MAP4: variants seen among roughly 807,000 people sequenced by gnomAD.
The protein encoded by MAP4 is microtubule associated protein 4.
MAP4 carries 76 observed loss-of-function variants against 170.2 expected under a neutral mutation model. That is an observed-to-expected ratio of 0.45 (90% CI 0.37 to 0.54). The LOEUF (loss-of-function observed/expected upper bound fraction) is 0.54, where lower values mean the gene tolerates loss of function less well. Ranked by LOEUF, MAP4 falls within the 20% of genes least tolerant of loss-of-function variation. MAP4 has a pLI of 0.00. For missense variants in MAP4, 2,506 were observed against 2,748.0 expected, an observed-to-expected ratio of 0.91 and a Z score of 1.97; for synonymous variants, 909 against 994.5, an observed-to-expected ratio of 0.91 and a Z score of 1.62.
intron 2 of MAP4, among the ~76,000 whole-genome samples, chr3:47,987,838 G>C (rs1244481387): frequency 1.3e-5 from 2 of 152,068 alleles, no homozygotes; most frequent in African/African-American, 2.4e-5. Flanking sequence ...AAAGTCTGAT[G>C]AGAGTGAATT....
intron 10 of MAP4, chr3:47,892,202 C>T (rs1433753041): frequency 9.8e-6 from 15 of 1,536,282 alleles, no homozygotes; most frequent in Admixed American, 2.0e-5. Flanking sequence ...GGCTTCTTGA[C>T]AGTCCTTGTC....
At chr3:47,993,330 G>C (rs1347348989) in intron 2 of MAP4, among the ~76,000 whole-genome samples, 3 of 151,900 alleles carry the variant, frequency 2.0e-5, no homozygotes, top group Admixed American at 6.6e-5. Flanking sequence ...GTAAGACTCT[G>C]TCTCAAAAAA....
At chr3:47,915,825 A>T in intron 7 of MAP4, 126 bp downstream of exon 7, 3 of 1,010,088 alleles carry the variant, frequency 3.0e-6, no homozygotes, top group South Asian at 1.7e-5. Flanking sequence ...GGAGAGCAGG[A>T]GTATGAATAA....
chr3:47,994,672 G>A (rs1240977563), intron 2 of MAP4, among the ~76,000 whole-genome samples: 1 of 152,214 alleles, frequency 6.6e-6, no homozygotes, highest in Non-Finnish European at 1.5e-5. Context: ...CTTTTGATAT[G>A]TAAATGGTGG....
chr3:47,861,764 C>A lies in MAP4; in HGVS notation c.6502-4252G>T, dbSNP rs574855137. ...ATCCTGGCTACTCAGGAGGCTGAGG[C>A]AGGAGAATTGATTGAGCCCAGAAGG... On this transcript the variant is annotated intron_variant, in intron 17 of 20. Transcript: ENST00000683076. Among the ~76,000 whole-genome samples the A allele has an allele frequency of 3.1e-4, 47 of 152,158 alleles. No individual in the cohort carries two copies. The East Asian group carries it at 6.2e-3, about 20-fold the overall frequency.
chr3:48,078,464 T>C (rs2100145002), intron 1 of MAP4, among the ~76,000 whole-genome samples: 1 of 152,004 alleles, frequency 6.6e-6, no homozygotes, highest in African/African-American at 2.4e-5. Context: ...CCCCAAATTG[T>C]ATGCTTTAAA....
At chr3:48,079,672 C>T (rs1480399938) in intron 1 of MAP4, among the ~76,000 whole-genome samples, 2 of 147,814 alleles carry the variant, frequency 1.4e-5, no homozygotes, top group Non-Finnish European at 3.0e-5. Flanking sequence ...AAAAAAAAGC[C>T]GGGTGCGGTG....
intron 1 of MAP4, among the ~76,000 whole-genome samples, chr3:48,064,586 G>A (rs2100137475): frequency 1.3e-5 from 2 of 152,078 alleles, no homozygotes; most frequent in Admixed American, 1.3e-4. Flanking sequence ...TGATAAATAG[G>A]TTCTGTTGAG....
At chr3:47,872,762 C>T (rs570498545) in intron 12 of MAP4, among the ~76,000 whole-genome samples, 21 of 152,260 alleles carry the variant, frequency 1.4e-4, no homozygotes, top group South Asian at 2.1e-4. Context: ...CACACACACA[C>T]GCATATATTT....
chr3:47,870,962 T>A lies in MAP4; in HGVS notation c.6145A>T (p.Ile2049Leu), dbSNP rs375818941. 6.2e-7 allele frequency: 1 copy of A among 1,614,074 alleles called. No homozygotes were observed. The highest frequency in any genetic ancestry group is 8.5e-7 in the Non-Finnish European group (1 of 1,179,958). Residue 2049 changes from isoleucine to leucine, a missense_variant, in exon 15 of 21, where the codon ATA (isoleucine) becomes TTA (leucine). Coordinates refer to ENST00000683076, the MANE Select transcript of MAP4 (RefSeq NM_001385682.1). ...MPSRPSTTPF[I>L]DKKPTSAKPS... ...TTGGCCGAGGTGGGCTTCTTGTCTA[T>A]GAAAGGAGTTGTGGAGGGCCGGGAG...
chr3:48,076,098 T>C (rs143830403), intron 1 of MAP4, among the ~76,000 whole-genome samples: 1 of 151,620 alleles, frequency 6.6e-6, no homozygotes, highest in East Asian at 1.9e-4. Context: ...ACTATAAAAT[T>C]ATTTAAAGAA....
Position 47,872,221 on chromosome 3 carries a change from TTGCCCAGGC to T in MAP4, c.5758-130_5758-122del, listed in dbSNP as rs2093580779. On this transcript the variant is annotated intron_variant, in intron 12 of 20. Transcript: ENST00000683076. ...TTTTTGGAGACGAAGTCTCACTCTG[TTGCCCAGGC>T]TGGAGTGCAGTGGCATGATCTCGGC... 3.3e-6 allele frequency: 3 copies of T among 914,872 alleles called. No homozygotes were observed. In the African/African-American group the frequency reaches 5.0e-5, roughly 15 times the overall value. The allele number at this position is 914,872 out of a possible 1,614,324, so 56.7% of individuals were successfully genotyped here.
intron 1 of MAP4, among the ~76,000 whole-genome samples, chr3:48,087,508 T>C (rs2100149710): frequency 6.6e-6 from 1 of 152,044 alleles, no homozygotes; most frequent in African/African-American, 2.4e-5. Flanking sequence ...CATTTCTCTG[T>C]CTACCCAGCC....
In MAP4 at chr3:48,083,078, G is replaced by A. The variant is rs1008207247; in HGVS notation, c.-20+5695C>T. ...AACTAAAGAATTGTGACATCTAAAT[G>A]CAATGTGGTATCCTGGATTGGATCC... On this transcript the variant is annotated intron_variant, in intron 1 of 18. Transcript: ENST00000360240. 3.9e-5 allele frequency among the ~76,000 whole-genome samples: 6 copies of A among 152,266 alleles called. No individual in the cohort carries two copies. In the East Asian group the frequency reaches 1.2e-3, roughly 29 times the overall value.
In MAP4 at chr3:47,855,099, C is replaced by A. The variant is rs892817862; in HGVS notation, c.6696+149G>T. 3.2e-6 allele frequency: 2 copies of A among 623,698 alleles called. No individual in the cohort carries two copies. Among genetic ancestry groups the A allele is most frequent in the African/African-American group, 3.6e-5 (2 of 55,176 alleles). The allele number at this position is 623,698 out of a possible 1,614,324, so 38.6% of individuals were successfully genotyped here. On this transcript the variant is annotated intron_variant, in intron 19 of 20. Coordinates refer to ENST00000683076, the MANE Select transcript of MAP4 (RefSeq NM_001385682.1). The surrounding 1 kb of genome is among the most constrained non-coding windows in gnomAD (Gnocchi z 5.1). ...TGCCTCAGTCAGGACTGATGATACA[C>A]GGTGGGAAAACGGCAATGGTGTGGG...
chr3:48,004,854 A>T (rs556960089), intron 1 of MAP4, among the ~76,000 whole-genome samples: 1 of 151,668 alleles, frequency 6.6e-6, no homozygotes, highest in Non-Finnish European at 1.5e-5. Context: ...CCCCGCCATC[A>T]ACCTTTCCAT....
At chr3:47,882,316 T>C (rs1364938425) in intron 10 of MAP4, among the ~76,000 whole-genome samples, 2 of 152,106 alleles carry the variant, frequency 1.3e-5, no homozygotes, top group Non-Finnish European at 2.9e-5. Context: ...AGTAAAATAA[T>C]TACTGCTATG....
intron 2 of MAP4, among the ~76,000 whole-genome samples, chr3:47,983,857 T>C (rs545471333): frequency 6.6e-6 from 1 of 152,184 alleles, no homozygotes; most frequent in Non-Finnish European, 1.5e-5. Flanking sequence ...CTTTATTTAT[T>C]TTGTTGCTCA....
chr3:47,930,905 G>C (rs2100049419), intron 3 of MAP4, among the ~76,000 whole-genome samples: 1 of 150,976 alleles, frequency 6.6e-6, no homozygotes, highest in Non-Finnish European at 1.5e-5. Context: ...CTCCGGCCTG[G>C]GTGACAGAGC....
Sources: allele counts gnomAD v4.1 joint callset (sites outside exome capture counted in the v4.1 genomes callset), GRCh38; gene constraint gnomAD v4.1.1; non-coding constraint Gnocchi (gnomAD v3.1); transcripts MANE v1.5; gene names NCBI Gene and HGNC (gene_info 2026-07-23, HGNC 2026-07-21).